Variants in CAMTA1 observed in about 807,000 individuals in gnomAD.
CAMTA1 encodes the protein calmodulin-binding transcription activator 1.
Under a neutral mutation model 170.9 loss-of-function variants are expected in CAMTA1, and 27 were observed. That is an observed-to-expected ratio of 0.16 (90% CI 0.12 to 0.22). CAMTA1 has a LOEUF of 0.22. Ranked by LOEUF, CAMTA1 falls within the 10% of genes least tolerant of loss-of-function variation. The probability of loss-of-function intolerance (pLI) is 1.00; values close to 1 mark genes in which losing one functional copy is unlikely to be tolerated. For missense variants in CAMTA1, 1,619 were observed against 2,217.2 expected (o/e 0.73, Z 5.42); for synonymous variants, 833 against 891.5 (o/e 0.93, Z 1.17).
intron 5 of CAMTA1, among the ~76,000 whole-genome samples, chr1:7,320,454 G>T (rs552020598): frequency 6.6e-6 from 1 of 152,266 alleles, no homozygotes; most frequent in Non-Finnish European, 1.5e-5. Flanking sequence ...AAGACATCTG[G>T]CTGGTGGGTG....
intron 6 of CAMTA1, among the ~76,000 whole-genome samples, chr1:7,553,146 A>C (rs947474966): frequency 1.6e-4 from 25 of 152,222 alleles, no homozygotes; most frequent in African/African-American, 5.8e-4. Flanking sequence ...TGAGTGAATG[A>C]ATGAATGAGT....
At chr1:7,556,251 A>G (rs1467726261) in intron 6 of CAMTA1, among the ~76,000 whole-genome samples, 2 of 151,962 alleles carry the variant, frequency 1.3e-5, no homozygotes, top group Admixed American at 6.5e-5. Flanking sequence ...GGAAACCCTG[A>G]TAGAGGAGGT....
intron 5 of CAMTA1, among the ~76,000 whole-genome samples, chr1:7,314,281 T>G (rs1416319950): frequency 6.6e-6 from 1 of 152,190 alleles, no homozygotes; most frequent in Non-Finnish European, 1.5e-5. Context: ...AAGCCAGCTC[T>G]GCAGAGGACA....
At chr1:7,025,741 G>A (rs1701933312) in intron 3 of CAMTA1, among the ~76,000 whole-genome samples, 1 of 152,214 alleles carries the variant, frequency 6.6e-6, no homozygotes, top group Non-Finnish European at 1.5e-5. Context: ...CTTTGGGGAT[G>A]GAGTGGGGGA....
intron 5 of CAMTA1, among the ~76,000 whole-genome samples, chr1:7,328,494 C>CAATA (rs1406336951): frequency 2.0e-5 from 3 of 152,012 alleles, no homozygotes; most frequent in Middle Eastern, 3.2e-3. Context: ...GACCCTGTCT[C>CAATA]AATAAATAAA....
rs185193098 is a variant in CAMTA1 at position 7,654,493 on chromosome 1, C to A, written c.665-7233C>A. ...GTACACACACACACCCCTATACATA[C>A]ACACACCTATACACACATACACTCC... On this transcript the variant is annotated intron_variant, in intron 7 of 22. Coordinates refer to ENST00000303635, the MANE Select transcript of CAMTA1 (RefSeq NM_015215.4). 3.3e-4 allele frequency among the ~76,000 whole-genome samples: 50 copies of A among 151,930 alleles called. 1 individual carries two copies. The East Asian group carries it at 9.3e-3, about 28-fold the overall frequency.
At chr1:7,102,668 AT>A (rs1389196944) in intron 4 of CAMTA1, among the ~76,000 whole-genome samples, 1 of 152,104 alleles carries the variant, frequency 6.6e-6, no homozygotes, top group East Asian at 1.9e-4. Context: ...GAAATGTGCT[AT>A]TTCCACATAT....
intron 3 of CAMTA1, among the ~76,000 whole-genome samples, chr1:6,941,708 A>G (rs781279918): frequency 5.3e-5 from 8 of 152,210 alleles, no homozygotes; most frequent in Admixed American, 1.3e-4. Flanking sequence ...CTCCTGAAGT[A>G]TTAGTACCTA....
intron 3 of CAMTA1, among the ~76,000 whole-genome samples, chr1:6,964,830 CAGG>C (rs1691229060): frequency 6.6e-6 from 1 of 152,146 alleles, no homozygotes; most frequent in Admixed American, 6.5e-5. Context: ...GAAGGAGGAC[CAGG>C]AGATTTCTAT....
chr1:7,088,146 C>A (rs912540724), intron 3 of CAMTA1, among the ~76,000 whole-genome samples: 3 of 152,208 alleles, frequency 2.0e-5, no homozygotes, highest in African/African-American at 4.8e-5. Flanking sequence ...CCCAGCCAAC[C>A]TGAGCACAAC....
chr1:7,507,208 ACT>A (rs778441269), intron 6 of CAMTA1, among the ~76,000 whole-genome samples: 1 of 151,864 alleles, frequency 6.6e-6, no homozygotes. Context: ...ACAGTGGCAC[ACT>A]CACCGATACA....
At chr1:6,789,526 T>G (rs1388798281) in intron 1 of CAMTA1, among the ~76,000 whole-genome samples, 1 of 152,242 alleles carries the variant, frequency 6.6e-6, no homozygotes, top group East Asian at 1.9e-4. Flanking sequence ...GTTGTACTTC[T>G]TTCTCCTTTC....
rs1414109518 is a variant in CAMTA1 at position 6,934,457 on chromosome 1, G to A, written c.234+109247G>A. Among the ~76,000 whole-genome samples the A allele has an allele frequency of 6.6e-6, 1 of 152,210 alleles. No individual in the cohort carries two copies. The highest frequency in any genetic ancestry group is 1.9e-4 in the East Asian group (1 of 5,198). ...ATGTGGTGAATGGGTGCCCTGGGAGGATGGGTAAGGGCAGGTGTGGGAGGA... is the reference window on the plus strand; with the variant it reads ...ATGTGGTGAATGGGTGCCCTGGGAGAATGGGTAAGGGCAGGTGTGGGAGGA... On this transcript the variant is annotated intron_variant, in intron 3 of 22. Transcript: ENST00000303635. This position sits in a 1 kb window ranked among gnomAD's most constrained non-coding sequence, Gnocchi z 4.5.
chr1:7,663,292 A>G, intron 8 of CAMTA1, 61 bp from the exon 9 acceptor site: 1 of 1,505,568 alleles, frequency 6.6e-7, no homozygotes, highest in African/African-American at 1.4e-5. Flanking sequence ...TTGTGTGTGC[A>G]TGTGTGTGTG....
chr1:7,399,376 A>C (rs771894188), intron 5 of CAMTA1, among the ~76,000 whole-genome samples: 1 of 152,220 alleles, frequency 6.6e-6, no homozygotes, highest in Admixed American at 6.5e-5. Flanking sequence ...TGGTGATGCC[A>C]TGCTTCTAAT....
intron 3 of CAMTA1, among the ~76,000 whole-genome samples, chr1:7,058,220 C>T (rs1460690434): frequency 1.3e-5 from 2 of 152,166 alleles, no homozygotes; most frequent in East Asian, 1.9e-4. Flanking sequence ...CTGCGGACTC[C>T]GATGGCCACC....
rs114517223 is a variant in CAMTA1, at chr1:7,711,307, C to T, written c.2915-21141C>T. 8.9e-3 allele frequency among the ~76,000 whole-genome samples: 1,348 copies of T among 152,244 alleles called. 14 individuals carry two copies. Among genetic ancestry groups the T allele is most frequent in the African/African-American group, 0.029 (1,220 of 41,538 alleles). On this transcript the variant is annotated intron_variant, in intron 11 of 22. Coordinates refer to ENST00000303635, the MANE Select transcript of CAMTA1 (RefSeq NM_015215.4). ...TTCCAGAGGTCCCACTTCCTAATAC[C>T]ATCACGTTGGGAGTTGGGATTTCAA...
At chr1:6,843,438 A>G (rs1256498909) in intron 3 of CAMTA1, among the ~76,000 whole-genome samples, 2 of 152,258 alleles carry the variant, frequency 1.3e-5, no homozygotes, top group Non-Finnish European at 2.9e-5. Context: ...GGTCAGGGAA[A>G]GATCCAGAAA....
rs540609789 is a variant in CAMTA1 at position 7,562,820 on chromosome 1, G to A, written c.511-77580G>A. ...CCCAGGACCCCCAAGCAAGGCGGAC[G>A]GGATGACAGGCCCTCTAACCCCACC... On this transcript the variant is annotated intron_variant, in intron 6 of 22. Transcript: ENST00000303635. The surrounding 1 kb of genome is among the most constrained non-coding windows in gnomAD (Gnocchi z 4.8). Among the ~76,000 whole-genome samples the A allele has an allele frequency of 1.4e-4, 22 of 152,242 alleles. No homozygotes were observed. Among genetic ancestry groups the A allele is most frequent in the Admixed American group, 3.3e-4 (5 of 15,302 alleles).
Sources: gnomAD v4.1 joint callset for allele counts (sites outside exome capture counted in the v4.1 genomes callset) on GRCh38, gnomAD v4.1.1 for gene constraint, Gnocchi (gnomAD v3.1) non-coding constraint, MANE v1.5 for transcripts, NCBI Gene and HGNC (gene_info 2026-07-23, HGNC 2026-07-21) for gene names.